ZNF737: variants seen among roughly 807,000 people sequenced by gnomAD.
ZNF737 encodes zinc finger protein 102 (Y3).
A neutral mutation model predicts 11.7 loss-of-function variants in ZNF737; 13 were observed. The ratio of observed to expected loss-of-function variants is 1.11; its 90% CI spans 0.73 to 1.77. The LOEUF is 1.77. ZNF737 is among the 40% of genes most tolerant of loss of function. The pLI is 0.00. For missense variants in ZNF737, 636 were observed against 638.0 expected, an observed-to-expected ratio of 1.00 and a Z score of 0.03; for synonymous variants, 217 against 216.2, an observed-to-expected ratio of 1.00 and a Z score of -0.03.
At chr19:20,559,972 C>T (rs543903540) in intron 1 of ZNF737, among the ~76,000 whole-genome samples, 8 of 151,614 alleles carry the variant, frequency 5.3e-5, no homozygotes, top group African/African-American at 1.9e-4. Flanking sequence ...CGAGACCATC[C>T]TGGCTAACAA....
chr19:20,546,120 A>G (rs1968447572), intron 3 of ZNF737, 144 bp from the exon 4 acceptor site: 1 of 1,162,336 alleles, frequency 8.6e-7, no homozygotes, highest in Admixed American at 3.0e-5. Flanking sequence ...TCCTGGATAC[A>G]TAAATGTAAC....
At chr19:20,533,667 T>A (rs1384163478), downstream of ZNF737, among the ~76,000 whole-genome samples, 1 of 150,204 alleles carries the variant, frequency 6.7e-6, no homozygotes, top group Non-Finnish European at 1.5e-5. Context: ...TCAGGCCTTG[T>A]AAAGCTGTGT....
chr19:20,565,329 C>A (rs1364342647), intron 1 of ZNF737, among the ~76,000 whole-genome samples: 11 of 152,212 alleles, frequency 7.2e-5, no homozygotes, highest in African/African-American at 2.4e-4. Context: ...AGGATTCTCC[C>A]CTGACGACCC....
At position 20,539,288 on chromosome 19, in the gene ZNF737, TAA is replaced by T. The variant is rs200426795; in HGVS notation, c.*5302_*5303del. On this transcript the variant is annotated 3_prime_UTR_variant, in exon 4 of 4. Transcript: ENST00000427401. Reference sequence around the variant, plus strand: ...GTGAGTGACAGAGTGAGAATCCTTCTAAAAAAAAAAAAAAGAAATTCTTTCTT... The same window carrying T: ...GTGAGTGACAGAGTGAGAATCCTTCTAAAAAAAAAAAAGAAATTCTTTCTT... 320 of 774,320 alleles carry T rather than the reference TAA, an allele frequency of 4.1e-4. No individual in the cohort carries two copies. The highest frequency in any genetic ancestry group is 4.3e-4 in the Non-Finnish European group (279 of 644,948). 48.0% of individuals were successfully genotyped at this position (774,320 alleles called of 1,614,324 possible).
chr19:20,554,237 T>C (rs782513980), intron 1 of ZNF737, among the ~76,000 whole-genome samples: 2 of 152,222 alleles, frequency 1.3e-5, no homozygotes, highest in East Asian at 1.9e-4. Context: ...GCAGGGTTTT[T>C]TTCCAGAAGA....
chr19:20,540,718 C>T lies in ZNF737; in HGVS notation c.*3874G>A. ...AGGTTGCCATGAGCTGAGATCACGCCACTGCTCTCCAGCCTGGAAGACAGA... is the reference window on the plus strand; with the variant it reads ...AGGTTGCCATGAGCTGAGATCACGCTACTGCTCTCCAGCCTGGAAGACAGA... On this transcript the variant is annotated 3_prime_UTR_variant, in exon 4 of 4. Transcript: ENST00000427401. 1.3e-6 allele frequency: 1 copy of T among 745,560 alleles called. No homozygotes were observed. Among genetic ancestry groups the T allele is most frequent in the Non-Finnish European group, 1.6e-6 (1 of 611,866 alleles). The allele number at this position is 745,560 out of a possible 1,614,324, so 46.2% of individuals were successfully genotyped here.
Position 20,543,872 on chromosome 19 carries a change from A to C in ZNF737, c.*720T>G, listed in dbSNP as rs1555755701. On this transcript the variant is annotated 3_prime_UTR_variant, in exon 4 of 4. Transcript: ENST00000427401. ...GCTGGGCGTCGTGGCTCACGCCTGT[A>C]ATCCCAGCACTTTAGGAGGCCAAGG... The C allele has an allele frequency of 1.4e-5, 14 of 983,868 alleles. No individual in the cohort carries two copies. The highest frequency in any genetic ancestry group is 1.7e-5 in the African/African-American group (1 of 57,162). The allele number at this position is 983,868 out of a possible 1,614,324, so 60.9% of individuals were successfully genotyped here. A position where few individuals can be genotyped will look rare whatever the true frequency, so the allele number is the denominator to read the frequency against.
intron 1 of ZNF737, among the ~76,000 whole-genome samples, chr19:20,565,230 C>A (rs534813024): frequency 6.6e-6 from 1 of 152,270 alleles, no homozygotes; most frequent in African/African-American, 2.4e-5. Context: ...CGACTGCGCC[C>A]GGCCCCATAA....
At chr19:20,534,481 CT>C (rs1322830681), downstream of ZNF737, among the ~76,000 whole-genome samples, 120 of 149,592 alleles carry the variant, frequency 8.0e-4, 12 homozygotes, top group Non-Finnish European at 1.2e-3. Context: ...ATCTATCTAT[CT>C]ATCTATCTAC....
At chr19:20,560,246 A>C (rs1432105612) in intron 1 of ZNF737, among the ~76,000 whole-genome samples, 1 of 151,574 alleles carries the variant, frequency 6.6e-6, no homozygotes, top group Non-Finnish European at 1.5e-5. Flanking sequence ...ACTTGGGAAC[A>C]TGAGGTAGGA....
At position 20,544,149 on chromosome 19, in the gene ZNF737, C is replaced by T. The variant is rs1968331499; in HGVS notation, c.*443G>A. ...ATCTCAAAAAAAAAAATATTGAAAA[C>T]TTGTTATAGGATTTGCCACATTCCT... On this transcript the variant is annotated 3_prime_UTR_variant, in exon 4 of 4. Coordinates refer to ENST00000427401, the MANE Select transcript of ZNF737 (RefSeq NM_001159293.2). 1.0e-6 allele frequency: 1 copy of T among 1,001,926 alleles called. No individual in the cohort carries two copies. The highest frequency in any genetic ancestry group is 5.4e-5 in the Admixed American group (1 of 18,648). 62.1% of individuals were successfully genotyped at this position (1,001,926 alleles called of 1,614,324 possible).
chr19:20,545,798 T>C lies in ZNF737; in HGVS notation c.405A>G (p.Gln135=). The change falls in exon 4 of 4, where the codon CAA becomes CAG. Residue 135 remains glutamine (Q), a synonymous_variant. Transcript: ENST00000427401. The part of the protein sequence containing the change: ...VHKRGYNGLN[Q]YLTTTQSKIF... ...TTTTGCTTTGAGTAGTTGTCAAATA[T>C]TGGTTAAGTCCATTATAACCTCTTT... is the stretch of plus-strand genomic sequence containing the variant. The C allele has an allele frequency of 1.2e-6, 2 of 1,613,170 alleles. No individual in the cohort carries two copies. Among genetic ancestry groups the C allele is most frequent in the Non-Finnish European group, 1.7e-6 (2 of 1,179,662 alleles).
the ZNF737 span, among the ~76,000 whole-genome samples, chr19:20,530,324 C>T: frequency 4.2e-5 from 6 of 142,716 alleles, no homozygotes; most frequent in African/African-American, 1.3e-4. Flanking sequence ...GACCCCCCAC[C>T]TCCCTCCCGG....
chr19:20,532,691 G>C (rs1555753116), downstream of ZNF737, among the ~76,000 whole-genome samples: 2 of 149,796 alleles, frequency 1.3e-5, 1 homozygote. Context: ...CCAGCCCCAT[G>C]AGGTTCTGTT....
In ZNF737 at chr19:20,544,765, G is replaced by A. The variant is rs782005740; in HGVS notation, c.1438C>T (p.Pro480Ser). The A allele has an allele frequency of 3.7e-6, 6 of 1,609,218 alleles. No homozygotes were observed. Among genetic ancestry groups the A allele is most frequent in the East Asian group, 4.5e-5 (2 of 44,418 alleles). Residue 480 changes from proline (P) to serine (S), a missense_variant, in exon 4 of 4, where the codon CCC (proline) becomes TCC (serine). Physicochemically the swap from Pro to Ser is moderately conservative, Grantham distance 74. Coordinates refer to ENST00000427401, the MANE Select transcript of ZNF737 (RefSeq NM_001159293.2). ...TTGCCACATCGTTCACATTTGTAGG[G>A]TTTCTCTCCAGTATGAATTCTCTTA... ...AHKRIHTGEKPYKCERCGKAF... is the reference protein window; with the variant it reads ...AHKRIHTGEKSYKCERCGKAF...
At chr19:20,552,305 C>T (rs982697030) in intron 3 of ZNF737, among the ~76,000 whole-genome samples, 170 bp downstream of exon 3, 1 of 148,804 alleles carries the variant, frequency 6.7e-6, no homozygotes, top group Non-Finnish European at 1.5e-5. Flanking sequence ...CAGAAGATGC[C>T]CCTTTATAAG....
At position 20,538,516 on chromosome 19, in the gene ZNF737, G is replaced by C; in HGVS notation, c.*6076C>G. 1 of 306,678 alleles carries C rather than the reference G, an allele frequency of 3.3e-6. No individual in the cohort carries two copies. The highest frequency in any genetic ancestry group is 4.8e-6 in the Non-Finnish European group (1 of 209,430). The allele number at this position is 306,678 out of a possible 1,614,324, so 19.0% of individuals were successfully genotyped here. ...GACACGTCAAGTTATAAATGACTCT[G>C]TCTCCTCTGTTCAGTGTACTCGTGG... is the stretch of plus-strand genomic sequence containing the variant. On this transcript the variant is annotated 3_prime_UTR_variant, in exon 4 of 4. Coordinates refer to ENST00000427401, the MANE Select transcript of ZNF737 (RefSeq NM_001159293.2).
In ZNF737 at chr19:20,545,948, A is replaced by T. The variant is rs1364350275; in HGVS notation, c.255T>A (p.Leu85=). 14 of 1,557,794 alleles carry T rather than the reference A, an allele frequency of 9.0e-6. No homozygotes were observed. In the African/African-American group the frequency reaches 1.9e-4, roughly 22 times the overall value. Residue 85 remains leucine (L), a synonymous_variant, in exon 4 of 4, where the codon CTT becomes CTA. Coordinates refer to ENST00000427401, the MANE Select transcript of ZNF737 (RefSeq NM_001159293.2). ...SVTCSHFARD[L]WPEQSIKDSF... ...AATCTTTTATGCTCTGCTCTGGCCAAAGATCTCGGGCAAAATGAGAACACG... is the reference window on the plus strand; with the variant it reads ...AATCTTTTATGCTCTGCTCTGGCCATAGATCTCGGGCAAAATGAGAACACG...
At chr19:20,564,667 A>T (rs1180282174) in intron 1 of ZNF737, among the ~76,000 whole-genome samples, 2 of 152,108 alleles carry the variant, frequency 1.3e-5, no homozygotes, top group African/African-American at 2.4e-5. Flanking sequence ...AAAAAAATAA[A>T]AATAATAAAT....
Sources: allele counts gnomAD v4.1 joint callset (sites outside exome capture counted in the v4.1 genomes callset), GRCh38; gene constraint gnomAD v4.1.1; transcripts MANE v1.5; gene names NCBI Gene and HGNC (gene_info 2026-07-23, HGNC 2026-07-21).